Variants in CSMD3 observed in about 807,000 individuals in gnomAD.
CSMD3 encodes the protein CUB and sushi domain-containing protein 3.
CSMD3 carries 177 observed loss-of-function variants against 435.2 expected under a neutral mutation model. That is an observed-to-expected ratio of 0.41 (90% CI 0.36 to 0.46). The LOEUF is 0.46. CSMD3 is among the 20% of genes least tolerant of loss of function. CSMD3 has a pLI of 0.34. For synonymous variants in CSMD3, 1,656 were observed against 1,520.5 expected, an observed-to-expected ratio of 1.09 and a Z score of -2.07; for missense variants, 4,265 against 4,504.6, an observed-to-expected ratio of 0.95 and a Z score of 1.52.
chr8:112,836,918 C>T (rs2080042261), intron 11 of CSMD3, among the ~76,000 whole-genome samples: 1 of 151,816 alleles, frequency 6.6e-6, no homozygotes, highest in Non-Finnish European at 1.5e-5. Context: ...AACTAAACTT[C>T]AAGTTTGCTT....
At chr8:112,985,502 A>G (rs1360907028) in intron 6 of CSMD3, among the ~76,000 whole-genome samples, 2 of 152,164 alleles carry the variant, frequency 1.3e-5, no homozygotes, top group Non-Finnish European at 2.9e-5. Context: ...TATAATGTGG[A>G]CAAGGTATTA....
intron 25 of CSMD3, among the ~76,000 whole-genome samples, chr8:112,554,791 A>C (rs1343391295): frequency 6.6e-6 from 1 of 151,952 alleles, no homozygotes; most frequent in Non-Finnish European, 1.5e-5. Context: ...ATGGTGCCTC[A>C]AAAACTAATT....
rs540005893 is a variant in CSMD3, at chr8:112,292,571, G to T, written c.8754C>A (p.Asn2918Lys). 1 of 1,613,844 alleles carries T rather than the reference G, an allele frequency of 6.2e-7. No homozygotes were observed. The highest frequency in any genetic ancestry group is 1.1e-5 in the South Asian group (1 of 91,084). Residue 2918 changes from asparagine (N) to lysine (K), a missense_variant, in exon 55 of 71, where the codon AAC (asparagine) becomes AAA (lysine). Asn to Lys is a moderately conservative substitution (Grantham distance 94). Coordinates refer to ENST00000297405, the MANE Select transcript of CSMD3 (RefSeq NM_198123.2). ...QGPTKAQCQANRQWSHPPPMC... is the reference protein window; with the variant it reads ...QGPTKAQCQAKRQWSHPPPMC... ...TAGGTGGAGGATGGCTCCACTGTCT[G>T]TTGGCCTGGCACTGTGCCTTTGTTG...
intron 16 of CSMD3, among the ~76,000 whole-genome samples, 166 bp from the exon 17 acceptor site, chr8:112,666,581 A>C (rs1300857454): frequency 6.6e-6 from 1 of 152,172 alleles, no homozygotes; most frequent in Admixed American, 6.5e-5. Context: ...CTGTTAAATG[A>C]TTATTTTTCT....
intron 3 of CSMD3, among the ~76,000 whole-genome samples, chr8:113,230,348 C>T (rs2093071503): frequency 6.6e-6 from 1 of 151,436 alleles, no homozygotes; most frequent in African/African-American, 2.4e-5. Context: ...AATTTCCTTT[C>T]AGTTTTAGAA....
At chr8:112,725,249 G>A (rs1425206884) in intron 13 of CSMD3, among the ~76,000 whole-genome samples, 2 of 151,900 alleles carry the variant, frequency 1.3e-5, no homozygotes, top group African/African-American at 2.4e-5. Context: ...AAGGGAGGCT[G>A]GCTAAACTAA....
intron 11 of CSMD3, among the ~76,000 whole-genome samples, chr8:112,844,597 A>G (rs1373979128): frequency 6.6e-6 from 1 of 151,954 alleles, no homozygotes; most frequent in Non-Finnish European, 1.5e-5. Context: ...AGGGTTAGAC[A>G]CCATGTTGCA....
intron 63 of CSMD3, among the ~76,000 whole-genome samples, chr8:112,249,935 C>A (rs1485803026): frequency 2.0e-5 from 3 of 151,978 alleles, no homozygotes; most frequent in Non-Finnish European, 4.4e-5. Context: ...GTGTACTCAT[C>A]CTTGTGCACC....
chr8:113,220,209 C>T (rs72687659), intron 3 of CSMD3, among the ~76,000 whole-genome samples: 9,942 of 151,414 alleles, frequency 0.066, 441 homozygotes, highest in Non-Finnish European at 0.094. Context: ...AGAGCCCAGC[C>T]ACAGAGGCAC....
At chr8:112,234,532 A>G in intron 67 of CSMD3, 55 bp from the exon 68 acceptor site, 1 of 921,600 alleles carries the variant, frequency 1.1e-6, no homozygotes, top group East Asian at 2.4e-5. Context: ...GTTATACTTC[A>G]TTTTATTATC....
chr8:113,014,170 C>T (rs1390834788), intron 6 of CSMD3, among the ~76,000 whole-genome samples: 1 of 152,086 alleles, frequency 6.6e-6, no homozygotes, highest in Non-Finnish European at 1.5e-5. Context: ...TTAGTCACAG[C>T]TAACGTTCCT....
At chr8:112,497,171 C>T (rs1333652181) in intron 30 of CSMD3, among the ~76,000 whole-genome samples, 1 of 151,538 alleles carries the variant, frequency 6.6e-6, no homozygotes, top group African/African-American at 2.4e-5. Flanking sequence ...AACAATTGAA[C>T]TTGTAGAGAT....
At chr8:112,675,026 T>C (rs985696230) in intron 16 of CSMD3, among the ~76,000 whole-genome samples, 7 of 152,130 alleles carry the variant, frequency 4.6e-5, no homozygotes, top group African/African-American at 9.6e-5. Flanking sequence ...ATGATTGAGA[T>C]AAAAGAATCA....
chr8:112,567,725 C>T (rs1325322521), intron 24 of CSMD3, among the ~76,000 whole-genome samples: 1 of 152,020 alleles, frequency 6.6e-6, no homozygotes, highest in Non-Finnish European at 1.5e-5. Context: ...CTGGGTTTTG[C>T]TGAATTCTGC....
At chr8:113,077,436 T>A (rs960208879) in intron 5 of CSMD3, among the ~76,000 whole-genome samples, 2 of 152,156 alleles carry the variant, frequency 1.3e-5, no homozygotes, top group African/African-American at 4.8e-5. Context: ...TGTCAGTGGC[T>A]CACGCCTGTA....
chr8:112,260,439 T>C (rs535570650), intron 61 of CSMD3, among the ~76,000 whole-genome samples: 3 of 152,288 alleles, frequency 2.0e-5, no homozygotes, highest in African/African-American at 7.2e-5. Flanking sequence ...TTATGTGTAG[T>C]AGAAATGATA....
In CSMD3 at chr8:113,008,026, C is replaced by T. The variant is rs1030524453; in HGVS notation, c.1030+11041G>A. ...CAATATCTTCTCAGAACCTTTTTGG[C>T]GGGGAAAAGACCTGTGCTACTTGTC... On this transcript the variant is annotated intron_variant, in intron 6 of 70. Transcript: ENST00000297405. Among the ~76,000 whole-genome samples, 3 of 150,934 alleles carry T rather than the reference C, an allele frequency of 2.0e-5. No individual in the cohort carries two copies. In the East Asian group the frequency reaches 5.8e-4, roughly 29 times the overall value.
At chr8:112,422,993 G>T (rs745466073) in intron 32 of CSMD3, among the ~76,000 whole-genome samples, 1 of 152,134 alleles carries the variant, frequency 6.6e-6, no homozygotes. Flanking sequence ...TCTCCAGAGA[G>T]TACATAGACA....
At chr8:112,796,947 G>A (rs1199818558) in intron 13 of CSMD3, among the ~76,000 whole-genome samples, 2 of 151,930 alleles carry the variant, frequency 1.3e-5, no homozygotes, top group African/African-American at 4.8e-5. Context: ...ACACTGTCAT[G>A]AACAGAAACA....
Sources: gnomAD v4.1 joint callset for allele counts (sites outside exome capture counted in the v4.1 genomes callset) on GRCh38, gnomAD v4.1.1 for gene constraint, MANE v1.5 for transcripts, NCBI Gene and HGNC (gene_info 2026-07-23, HGNC 2026-07-21) for gene names.